The following MTMR9 variants were observed in gnomAD, a reference collection of about 807,000 sequenced individuals.
MTMR9 encodes the protein myotubularin related protein 9.
A neutral mutation model predicts 69.5 loss-of-function variants in MTMR9; 39 were observed. That is an observed-to-expected ratio of 0.56 (90% confidence interval 0.43 to 0.73). MTMR9 has a LOEUF of 0.73. Ranked by LOEUF, MTMR9 falls within the 30% of genes least tolerant of loss-of-function variation. The pLI, the probability that MTMR9 is intolerant of heterozygous loss-of-function variation, is 0.00. For synonymous variants in MTMR9, 354 were observed against 240.8 expected, an observed-to-expected ratio of 1.47 and a Z score of -4.35; for missense variants, 900 against 671.2, an observed-to-expected ratio of 1.34 and a Z score of -3.77.
intron 1 of MTMR9, among the ~76,000 whole-genome samples, chr8:11,290,004 T>C (rs1232931860): frequency 6.6e-6 from 1 of 152,184 alleles, no homozygotes; most frequent in South Asian, 2.1e-4. Context: ...GATGGCGCCA[T>C]AAAGTAGGTG....
chr8:11,312,681 T>C (rs1162299088), intron 6 of MTMR9, among the ~76,000 whole-genome samples: 2 of 152,264 alleles, frequency 1.3e-5, no homozygotes, highest in African/African-American at 2.4e-5. Flanking sequence ...CACAGATATT[T>C]TTAATGGCAT....
chr8:11,318,943 C>A (rs574669902), intron 8 of MTMR9: 1 of 151,932 alleles, frequency 6.6e-6, no homozygotes, highest in East Asian at 1.9e-4. Flanking sequence ...GGGGGAGGGA[C>A]AGAAGGGGGA....
the MTMR9 span, among the ~76,000 whole-genome samples, chr8:11,336,524 A>G: frequency 6.6e-6 from 1 of 152,208 alleles, no homozygotes; most frequent in Admixed American, 6.5e-5. Flanking sequence ...CCTTGTCATT[A>G]ATCTTCCAAT....
chr8:11,304,348 C>G (rs927432726), intron 3 of MTMR9, among the ~76,000 whole-genome samples: 2 of 152,168 alleles, frequency 1.3e-5, no homozygotes, highest in Admixed American at 1.3e-4. Context: ...TGGAGTCGTA[C>G]AGTCTTACTT....
chr8:11,299,396 A>C (rs1335063022), intron 2 of MTMR9, among the ~76,000 whole-genome samples: 5 of 152,180 alleles, frequency 3.3e-5, no homozygotes, highest in South Asian at 2.1e-4. Flanking sequence ...TACACACATT[A>C]TCTCTCTTAA....
chr8:11,309,389 A>T (rs750887746), intron 5 of MTMR9, 138 bp from the exon 6 acceptor site: 15 of 726,808 alleles, frequency 2.1e-5, no homozygotes, highest in Non-Finnish European at 3.3e-5. Flanking sequence ...TAATCCTCAA[A>T]TTATAGCAGG....
intron 6 of MTMR9, 138 bp from the exon 7 acceptor site, chr8:11,314,785 G>C (rs1800342082): frequency 4.4e-6 from 3 of 679,716 alleles, no homozygotes; most frequent in Non-Finnish European, 7.4e-6. Context: ...AGTCAGAGCA[G>C]AATGTTGTAC....
At chr8:11,285,558 C>G (rs555083312) in intron 1 of MTMR9, among the ~76,000 whole-genome samples, 30 of 152,232 alleles carry the variant, frequency 2.0e-4, no homozygotes, top group Middle Eastern at 6.8e-3. Flanking sequence ...CATATTATTT[C>G]TTACCTTCTG....
intron 6 of MTMR9, among the ~76,000 whole-genome samples, chr8:11,311,060 C>A (rs901094883): frequency 6.6e-6 from 1 of 152,032 alleles, no homozygotes; most frequent in Non-Finnish European, 1.5e-5. Context: ...TAATTAATTA[C>A]TGAAAACATG....
At chr8:11,301,930 G>A (rs1380017104) in intron 3 of MTMR9, among the ~76,000 whole-genome samples, 1 of 152,056 alleles carries the variant, frequency 6.6e-6, no homozygotes, top group Non-Finnish European at 1.5e-5. Context: ...AAAGGAAGAA[G>A]ATCCAATATT....
intron 6 of MTMR9, among the ~76,000 whole-genome samples, chr8:11,311,432 A>G (rs1800194069): frequency 6.6e-6 from 1 of 152,244 alleles, no homozygotes; most frequent in African/African-American, 2.4e-5. Context: ...AGAAAACCAC[A>G]GTAAAGCAAG....
intron 9 of MTMR9, chr8:11,320,281 A>G (rs1800618951): frequency 6.4e-6 from 1 of 155,358 alleles, no homozygotes; most frequent in African/African-American, 2.4e-5. Context: ...TGGGCACAAA[A>G]TACCATCAGT....
intron 5 of MTMR9, among the ~76,000 whole-genome samples, chr8:11,307,306 A>T (rs187152661): frequency 3.9e-5 from 6 of 152,274 alleles, no homozygotes; most frequent in Non-Finnish European, 1.5e-5. Context: ...TCCTGACCTC[A>T]AGTGATCCTC....
chr8:11,301,504 T>C (rs1156441721), intron 3 of MTMR9, among the ~76,000 whole-genome samples: 1 of 152,218 alleles, frequency 6.6e-6, no homozygotes, highest in East Asian at 1.9e-4. Flanking sequence ...AAAAATTAAC[T>C]AAAATGTATT....
chr8:11,287,987 T>C (rs913718564), intron 1 of MTMR9, among the ~76,000 whole-genome samples: 4 of 127,370 alleles, frequency 3.1e-5, no homozygotes, highest in African/African-American at 1.2e-4. Flanking sequence ...TATTATATAA[T>C]ATATATTACA....
At chr8:11,318,231 G>C (rs1239317112) in intron 8 of MTMR9, 1 of 152,204 alleles carries the variant, frequency 6.6e-6, no homozygotes, top group African/African-American at 2.4e-5. Flanking sequence ...ATGCTGATGG[G>C]AAGGATTCTG....
intron 7 of MTMR9, among the ~76,000 whole-genome samples, chr8:11,315,480 G>A (rs951128599): frequency 2.0e-5 from 3 of 152,132 alleles, no homozygotes; most frequent in Admixed American, 6.5e-5. Context: ...TTCCTTCAAA[G>A]ATAAAACTGA....
intron 8 of MTMR9, chr8:11,317,163 A>G (rs1800454204): frequency 8.7e-6 from 2 of 231,010 alleles, no homozygotes; most frequent in Non-Finnish European, 1.7e-5. Flanking sequence ...ATAGGATCAT[A>G]GTATCTTACA....
At chr8:11,302,914 TAGTA>T (rs1799800073) in intron 3 of MTMR9, among the ~76,000 whole-genome samples, 1 of 152,048 alleles carries the variant, frequency 6.6e-6, no homozygotes. Flanking sequence ...TAAGAAAAGA[TAGTA>T]AGACCTTTAT....
Sources: gnomAD v4.1 joint callset for allele counts (sites outside exome capture counted in the v4.1 genomes callset) on GRCh38, gnomAD v4.1.1 for gene constraint, MANE v1.5 for transcripts, NCBI Gene and HGNC (gene_info 2026-07-23, HGNC 2026-07-21) for gene names.